CDH18: variants seen among roughly 807,000 people sequenced by gnomAD.
CDH18 encodes the protein cadherin-18.
In CDH18, 31 loss-of-function variants were observed where a neutral mutation model predicts 67.9. That is an observed-to-expected ratio of 0.46 (90% CI 0.34 to 0.62). The LOEUF (loss-of-function observed/expected upper bound fraction) is 0.62, where lower values mean the gene tolerates loss of function less well. CDH18 is among the 20% of genes least tolerant of loss of function. The pLI is 0.01. For synonymous variants in CDH18, 362 were observed against 347.2 expected (o/e 1.04, Z -0.48); for missense variants, 890 against 975.5 (o/e 0.91, Z 1.17).
At chr5:20,094,161 G>C (rs1486822281) in intron 2 of CDH18, among the ~76,000 whole-genome samples, 2 of 152,162 alleles carry the variant, frequency 1.3e-5, no homozygotes, top group African/African-American at 2.4e-5. Flanking sequence ...TAGCAACCTA[G>C]TCTGGAATAA....
At chr5:20,432,802 G>T (rs1205718375) in intron 1 of CDH18, among the ~76,000 whole-genome samples, 2 of 151,462 alleles carry the variant, frequency 1.3e-5, no homozygotes, top group Non-Finnish European at 2.9e-5. Flanking sequence ...TTGCATTCTG[G>T]GGTATTGGGG....
At chr5:19,642,665 G>A (rs1041632116) in intron 5 of CDH18, among the ~76,000 whole-genome samples, 5 of 151,744 alleles carry the variant, frequency 3.3e-5, no homozygotes, top group African/African-American at 1.2e-4. Context: ...ATTTACAAAC[G>A]TCTACCCAAA....
intron 2 of CDH18, among the ~76,000 whole-genome samples, chr5:19,960,747 G>GTA (rs1255778139): frequency 7.7e-6 from 1 of 130,450 alleles, no homozygotes; most frequent in Admixed American, 7.3e-5. Context: ...GTATACACGT[G>GTA]TATATATATG....
intron 1 of CDH18, among the ~76,000 whole-genome samples, chr5:20,390,461 T>C (rs896112289): frequency 6.6e-6 from 1 of 152,168 alleles, no homozygotes; most frequent in Non-Finnish European, 1.5e-5. Context: ...CCAGTTAGAA[T>C]GGCGATCATT....
intron 1 of CDH18, among the ~76,000 whole-genome samples, chr5:20,372,722 C>T (rs567900548): frequency 1.3e-5 from 2 of 152,200 alleles, no homozygotes; most frequent in East Asian, 3.9e-4. Context: ...TGATCTCCAC[C>T]TATTTTACAA....
Position 19,746,949 on chromosome 5 carries a change from T to G in CDH18, c.516A>C (p.Ser172=). 1.2e-6 allele frequency: 2 copies of G among 1,611,228 alleles called. No homozygotes were observed. The highest frequency in any genetic ancestry group is 1.7e-6 in the Non-Finnish European group (2 of 1,177,460). ...AAAAATGATTTTTCTTACCCATATC[T>G]GACATTTCAGGCACAGTAACAATGT... ...GPYIVTVPEM[S]DMGTSVLQVT... The change falls in exon 4 of 13, where the codon TCA becomes TCC. Residue 172 remains serine (S), a synonymous_variant. Transcript: ENST00000382275.
At chr5:20,297,526 C>T (rs758265904) in intron 1 of CDH18, among the ~76,000 whole-genome samples, 30 of 152,124 alleles carry the variant, frequency 2.0e-4, no homozygotes, top group Non-Finnish European at 3.5e-4. Flanking sequence ...TTTAATGAGT[C>T]ACAATGTCCA....
At chr5:19,914,861 T>C (rs944126527) in intron 2 of CDH18, among the ~76,000 whole-genome samples, 4 of 152,028 alleles carry the variant, frequency 2.6e-5, no homozygotes, top group Admixed American at 6.6e-5. Flanking sequence ...AAAAAATTTC[T>C]CCCCCAAATT....
chr5:19,955,606 A>G lies in CDH18; in HGVS notation c.-257+25454T>C, dbSNP rs140050385. ...TATAATAGAGTGCCCAGGCAAACTT[A>G]AAAACAAAGGAAGAGGTAACACTTA... On this transcript the variant is annotated intron_variant, in intron 2 of 12. Coordinates refer to ENST00000382275, the MANE Select transcript of CDH18 (RefSeq NM_004934.5). Among the ~76,000 whole-genome samples, 1,507 of 152,234 alleles carry G rather than the reference A, an allele frequency of 9.9e-3. 14 individuals carry two copies. Among genetic ancestry groups the G allele is most frequent in the African/African-American group, 0.012 (488 of 41,562 alleles).
chr5:20,501,102 T>C (rs1354322562), intron 1 of CDH18, among the ~76,000 whole-genome samples: 1 of 152,130 alleles, frequency 6.6e-6, no homozygotes, highest in East Asian at 1.9e-4. Context: ...GCAAATAAAA[T>C]GTCAATTCTG....
chr5:20,106,266 G>A (rs867834783), intron 2 of CDH18, among the ~76,000 whole-genome samples: 12 of 152,096 alleles, frequency 7.9e-5, no homozygotes, highest in South Asian at 6.2e-4. Flanking sequence ...TGTCCCTTCC[G>A]ACTTAGGGGT....
intron 1 of CDH18, among the ~76,000 whole-genome samples, chr5:20,454,818 A>G (rs1750721045): frequency 6.6e-6 from 1 of 152,102 alleles, no homozygotes; most frequent in Non-Finnish European, 1.5e-5. Context: ...TTGTTAATGA[A>G]TAGATACATT....
chr5:20,493,202 T>C (rs1329592365), intron 1 of CDH18, among the ~76,000 whole-genome samples: 1 of 151,124 alleles, frequency 6.6e-6, no homozygotes, highest in Admixed American at 6.6e-5. Context: ...TACAAAAAAC[T>C]AGCCAGCATG....
At chr5:20,356,496 T>G (rs1039178763) in intron 1 of CDH18, among the ~76,000 whole-genome samples, 1 of 152,096 alleles carries the variant, frequency 6.6e-6, no homozygotes, top group African/African-American at 2.4e-5. Flanking sequence ...AAGAGTTAGC[T>G]TAGAAATTCA....
chr5:20,552,873 G>C (rs1757712674), intron 1 of CDH18, among the ~76,000 whole-genome samples: 1 of 151,810 alleles, frequency 6.6e-6, no homozygotes, highest in African/African-American at 2.4e-5. Context: ...TCCTGTCTCA[G>C]CCTCCTGAGT....
intron 2 of CDH18, among the ~76,000 whole-genome samples, chr5:19,969,418 C>A (rs371735094): frequency 1.3e-4 from 20 of 150,362 alleles, no homozygotes; most frequent in Non-Finnish European, 2.2e-4. Context: ...GGCACTATTC[C>A]CAATAGCAAA....
intron 1 of CDH18, among the ~76,000 whole-genome samples, chr5:20,527,699 C>A (rs900652666): frequency 6.6e-6 from 1 of 152,052 alleles, no homozygotes; most frequent in African/African-American, 2.4e-5. Context: ...CCTTTTCACA[C>A]AAGCAAAACC....
intron 1 of CDH18, among the ~76,000 whole-genome samples, chr5:20,453,698 G>A (rs1357540080): frequency 1.3e-5 from 2 of 151,798 alleles, no homozygotes; most frequent in African/African-American, 4.8e-5. Context: ...AAGTTGTGTG[G>A]TTAGCAGCTC....
intron 2 of CDH18, among the ~76,000 whole-genome samples, chr5:20,009,562 T>C (rs960451190): frequency 1.3e-5 from 2 of 152,148 alleles, no homozygotes; most frequent in Non-Finnish European, 2.9e-5. Context: ...AGTTAATCTA[T>C]ATAGAGAACT....
Sources: allele counts gnomAD v4.1 joint callset (sites outside exome capture counted in the v4.1 genomes callset), GRCh38; gene constraint gnomAD v4.1.1; transcripts MANE v1.5; gene names NCBI Gene and HGNC (gene_info 2026-07-23, HGNC 2026-07-21).